Variants in RNPC3 observed in about 807,000 individuals in gnomAD.
The protein encoded by RNPC3 is RNA-binding region-containing protein 3.
RNPC3 carries 48 observed loss-of-function variants against 67.5 expected under a neutral mutation model. That is an observed-to-expected ratio of 0.71 (90% CI 0.56 to 0.90). The LOEUF (loss-of-function observed/expected upper bound fraction) is 0.90. Ranked by LOEUF, RNPC3 falls within the 40% of genes least tolerant of loss-of-function variation. RNPC3 has a pLI of 0.00. For synonymous variants in RNPC3, 239 were observed against 210.3 expected, an observed-to-expected ratio of 1.14 and a Z score of -1.18; for missense variants, 637 against 626.1, an observed-to-expected ratio of 1.02 and a Z score of -0.19.
chr1:103,551,698 A>G, intron 13 of RNPC3, 23 bp from the exon 14 acceptor site: 1 of 1,456,268 alleles, frequency 6.9e-7, no homozygotes, highest in Admixed American at 2.2e-5. Context: ...TTCATGAAGG[A>G]AACCTTAATT....
At chr1:103,532,766 C>A (rs943400811) in intron 2 of RNPC3, among the ~76,000 whole-genome samples, 1 of 152,076 alleles carries the variant, frequency 6.6e-6, no homozygotes, top group African/African-American at 2.4e-5. Flanking sequence ...ATGTTAAATG[C>A]AACCAAGTGA....
At position 103,526,229 on chromosome 1, in the gene RNPC3, G is replaced by A. The variant is rs1650703303; in HGVS notation, c.159G>A (p.Gln53=). The change falls in exon 1 of 15, where the codon CAG becomes CAA. Residue 53 remains glutamine, a synonymous_variant. Transcript: ENST00000423855. ...KEDLLKYFGA[Q]SVRVLSDKGR... is the part of the protein sequence containing the mutation. The stretch of plus-strand genomic sequence containing the variant: ...ACTTGCTGAAGTACTTCGGGGCTCA[G>A]TCTGTGCGGGTCCTGTCAGATAAGG... 6.4e-7 allele frequency: 1 copy of A among 1,550,900 alleles called. No homozygotes were observed. The highest frequency in any genetic ancestry group is 1.4e-5 in the African/African-American group (1 of 73,026).
chr1:103,541,148 G>A (rs1002658413), intron 7 of RNPC3, among the ~76,000 whole-genome samples: 3 of 152,062 alleles, frequency 2.0e-5, no homozygotes, highest in African/African-American at 4.8e-5. Context: ...TAAGATGAAA[G>A]CTAAGCAAGG....
At chr1:103,539,363 A>T (rs1013363864) in intron 7 of RNPC3, among the ~76,000 whole-genome samples, 2 of 152,228 alleles carry the variant, frequency 1.3e-5, no homozygotes, top group African/African-American at 4.8e-5. Context: ...TTAAAATCAA[A>T]GCATAGGTGG....
chr1:103,537,905 G>A (rs529514074), intron 7 of RNPC3, among the ~76,000 whole-genome samples: 6 of 151,992 alleles, frequency 3.9e-5, no homozygotes, highest in Admixed American at 2.0e-4. Context: ...GTGCAATGGC[G>A]CGATCTCAGC....
intron 4 of RNPC3, 106 bp from the exon 5 acceptor site, chr1:103,535,224 A>T: frequency 1.5e-6 from 1 of 659,038 alleles, no homozygotes; most frequent in Non-Finnish European, 2.5e-6. Flanking sequence ...TAAATCTAAT[A>T]GTACTGTATC....
intron 7 of RNPC3, among the ~76,000 whole-genome samples, chr1:103,539,473 A>C (rs1332802463): frequency 1.3e-5 from 2 of 152,230 alleles, no homozygotes; most frequent in Non-Finnish European, 2.9e-5. Context: ...TAACTTGTTG[A>C]GTGTTAACTG....
Position 103,526,139 on chromosome 1 carries a change from T to A in RNPC3, c.69T>A (p.Pro23=). The change falls in exon 1 of 15, where the codon CCT becomes CCA. Residue 23 remains proline (P), a synonymous_variant. Transcript: ENST00000423855. ...GCTSSSSLSP[P]RGDRTLLVRH... is the part of the protein sequence containing the mutation. ...CGAGCTCCTCCTCGCTTTCCCCGCC[T>A]CGGGGCGACCGAACCCTTCTGGTCA... The A allele has an allele frequency of 6.4e-7, 1 of 1,551,430 alleles. No homozygotes were observed. The highest frequency in any genetic ancestry group is 2.0e-5 in the Admixed American group (1 of 50,982).
chr1:103,535,093 C>G (rs1437343237), intron 4 of RNPC3, among the ~76,000 whole-genome samples: 1 of 151,910 alleles, frequency 6.6e-6, no homozygotes, highest in Non-Finnish European at 1.5e-5. Context: ...GAGTTTGTCA[C>G]TGAATTCAGT....
intron 2 of RNPC3, among the ~76,000 whole-genome samples, chr1:103,533,244 C>A (rs1473996286): frequency 6.6e-6 from 1 of 152,002 alleles, no homozygotes; most frequent in African/African-American, 2.4e-5. Context: ...ATTCTCATGT[C>A]ATCAATTCTG....
intron 2 of RNPC3, among the ~76,000 whole-genome samples, chr1:103,532,860 C>A (rs1295888198): frequency 1.3e-5 from 2 of 151,984 alleles, no homozygotes; most frequent in East Asian, 3.9e-4. Context: ...AAAGCATTAA[C>A]CTGATTGAAA....
chr1:103,526,137 C>T lies in RNPC3; in HGVS notation c.67C>T (p.Pro23Ser), dbSNP rs1242785879. 6.4e-7 allele frequency: 1 copy of T among 1,551,290 alleles called. No homozygotes were observed. The highest frequency in any genetic ancestry group is 8.7e-7 in the Non-Finnish European group (1 of 1,146,840). ...CACGAGCTCCTCCTCGCTTTCCCCG[C>T]CTCGGGGCGACCGAACCCTTCTGGT... is the stretch of plus-strand genomic sequence containing the variant. ...GCTSSSSLSP[P>S]RGDRTLLVRH... is the part of the protein sequence containing the mutation. Residue 23 changes from proline (P) to serine (S), a missense_variant, in exon 1 of 15, where the codon CCT (proline) becomes TCT (serine). Around this residue, in one of 3 missense-constraint regions of RNPC3, gnomAD observed 536 missense variants for 500.3 expected, o/e 1.07. Transcript: ENST00000423855.
intron 6 of RNPC3, among the ~76,000 whole-genome samples, chr1:103,536,573 A>G (rs1384453305): frequency 6.6e-6 from 1 of 152,202 alleles, no homozygotes; most frequent in Non-Finnish European, 1.5e-5. Context: ...AGACTTGACT[A>G]TGCAAATCTG....
intron 2 of RNPC3, among the ~76,000 whole-genome samples, chr1:103,529,903 G>T (rs947830799): frequency 1.3e-5 from 2 of 152,180 alleles, no homozygotes; most frequent in African/African-American, 4.8e-5. Flanking sequence ...GACTCCGCCT[G>T]GCTGCCTGAG....
At chr1:103,533,602 G>A (rs1184989682) in intron 2 of RNPC3, 137 bp from the exon 3 acceptor site, 9 of 623,056 alleles carry the variant, frequency 1.4e-5, no homozygotes, top group African/African-American at 1.1e-4. Flanking sequence ...GATAGCCTGA[G>A]ATTAAAAATA....
chr1:103,546,208 T>A, intron 10 of RNPC3, 40 bp from the exon 11 acceptor site: 1 of 984,780 alleles, frequency 1.0e-6, no homozygotes. Flanking sequence ...TTGCTTAAAA[T>A]ATTTTAATTT....
Position 103,526,043 on chromosome 1 carries a change from G to T in RNPC3, c.-28G>T, listed in dbSNP as rs1007799108. 4 of 1,486,188 alleles carry T rather than the reference G, an allele frequency of 2.7e-6. No individual in the cohort carries two copies. Among genetic ancestry groups the T allele is most frequent in the South Asian group, 1.3e-5 (1 of 79,064 alleles). 92.1% of individuals were successfully genotyped at this position (1,486,188 alleles called of 1,614,324 possible). A position where few individuals can be genotyped will look rare whatever the true frequency, so the allele number is the denominator to read the frequency against. ...GATTTTGACTGAGACTTCTTCCCAC[G>T]ATTTCTGTTTTTGCTTCTCCAAGGA... On this transcript the variant is annotated 5_prime_UTR_variant, in exon 1 of 15. Coordinates refer to ENST00000423855, the MANE Select transcript of RNPC3 (RefSeq NM_017619.4).
In RNPC3 at chr1:103,537,398, T is replaced by A; in HGVS notation, c.681T>A (p.Pro227=). 2 of 1,536,104 alleles carry A rather than the reference T, an allele frequency of 1.3e-6. No individual in the cohort carries two copies. Among genetic ancestry groups the A allele is most frequent in the South Asian group, 2.4e-5 (2 of 84,012 alleles). ...APLPPTSPQP[P]EEPPLPDEDE... ...TTCCACCCACATCTCCTCAGCCACCTGAGGAACCTCCTTTGCCAGACGAGG... is the reference window on the plus strand; with the variant it reads ...TTCCACCCACATCTCCTCAGCCACCAGAGGAACCTCCTTTGCCAGACGAGG... Residue 227 remains proline (P), a synonymous_variant, in exon 7 of 15, where the codon CCT becomes CCA. Transcript: ENST00000423855.
rs183917269 is a variant in RNPC3 at position 103,548,039 on chromosome 1, G to A, written c.1361+1004G>A. Among the ~76,000 whole-genome samples, 15 of 152,264 alleles carry A rather than the reference G, an allele frequency of 9.9e-5. No individual in the cohort carries two copies. The East Asian group carries it at 2.7e-3, about 27-fold the overall frequency. On this transcript the variant is annotated intron_variant, in intron 12 of 14. Coordinates refer to ENST00000423855, the MANE Select transcript of RNPC3 (RefSeq NM_017619.4). ...TTGGCCCTTTTCAGCCACAGCTGCC[G>A]TGGCTGGGACACAGAGCACCAAGTC...
Sources: allele counts gnomAD v4.1 joint callset (sites outside exome capture counted in the v4.1 genomes callset), GRCh38; gene constraint gnomAD v4.1.1; regional missense constraint gnomAD v4.1.1; transcripts MANE v1.5; gene names NCBI Gene and HGNC (gene_info 2026-07-23, HGNC 2026-07-21).